ZNF219: variants seen among roughly 807,000 people sequenced by gnomAD.
The protein encoded by ZNF219 is zinc finger protein 219.
In ZNF219, 17 loss-of-function variants were observed where a neutral mutation model predicts 54.4. That is an observed-to-expected ratio of 0.31 (90% confidence interval 0.21 to 0.47). The LOEUF is 0.47. ZNF219 is among the 20% of genes least tolerant of loss of function. The probability of loss-of-function intolerance (pLI) is 1.00; values close to 1 mark genes in which losing one functional copy is unlikely to be tolerated. For missense variants in ZNF219, 1,014 were observed against 1,062.3 expected (o/e 0.95, Z 0.63); for synonymous variants, 518 against 476.4 (o/e 1.09, Z -1.14).
upstream of ZNF219, chr14:21,102,421 T>C (rs759131097): frequency 1.9e-6 from 3 of 1,551,696 alleles, no homozygotes; most frequent in South Asian, 3.6e-5. Flanking sequence ...GCCATGATGA[T>C]ATTCAACACC....
In ZNF219 at chr14:21,090,958, G is replaced by GCGGAGACGGCTTGGCAAT. The variant is rs1888810368; in HGVS notation, c.1746_1747insATTGCCAAGCCGTCTCCG (p.Pro582_Gln583insIleAlaLysProSerPro). On this transcript the variant is annotated inframe_insertion, in exon 5 of 5. Coordinates refer to ENST00000360947, the MANE Select transcript of ZNF219 (RefSeq NM_016423.3). The surrounding 1 kb of genome is among the most constrained non-coding windows in gnomAD (Gnocchi z 4.4). ...GCGCCCTCCACCCAGGTCGCAGGCT[G>GCGGAGACGGCTTGGCAAT]CGGAGACGGCTTGGCTCCAGATTGC... 3 of 1,550,948 alleles carry GCGGAGACGGCTTGGCAAT rather than the reference G, an allele frequency of 1.9e-6. No homozygotes were observed. The South Asian group carries it at 3.5e-5, about 18-fold the overall frequency.
intron 1 of ZNF219, among the ~76,000 whole-genome samples, chr14:21,094,846 T>G (rs1889206325): frequency 1.3e-5 from 2 of 150,512 alleles, no homozygotes; most frequent in South Asian, 4.2e-4. Flanking sequence ...AGTCATCTAG[T>G]CTACCTTTCT....
At chr14:21,101,827 T>A, upstream of ZNF219, 1 of 1,498,586 alleles carries the variant, frequency 6.7e-7, no homozygotes, top group Middle Eastern at 1.8e-4. Flanking sequence ...AGGGAATCCC[T>A]GACAGTTCCT....
chr14:21,101,710 T>A (rs970421621), upstream of ZNF219: 6 of 672,654 alleles, frequency 8.9e-6, no homozygotes, highest in Admixed American at 5.9e-5. Context: ...AATTAAATGA[T>A]ACTTAATTTT....
In ZNF219 at chr14:21,092,303, G is replaced by A; in HGVS notation, c.994C>T (p.Arg332Cys). 2 of 1,535,952 alleles carry A rather than the reference G, an allele frequency of 1.3e-6. No individual in the cohort carries two copies. Among genetic ancestry groups the A allele is most frequent in the Middle Eastern group, 2.0e-4 (1 of 5,122 alleles). Reference sequence around the variant, plus strand: ...GGCCCGGAGGCAGGCCCCGGGGCACGCAGTGGGCCCAGCTTGCTGGCGTGC... The same window carrying A: ...GGCCCGGAGGCAGGCCCCGGGGCACACAGTGGGCCCAGCTTGCTGGCGTGC... ...KVHASKLGPLRAPGPASGPAR... is the reference protein window; with the variant it reads ...KVHASKLGPLCAPGPASGPAR... The change falls in exon 3 of 5, where the codon CGT becomes TGT. Residue 332 changes from arginine (R) to cysteine (C), a missense_variant. Physicochemically the swap from Arg to Cys is radical, Grantham distance 180. Transcript: ENST00000360947.
Position 21,092,483 on chromosome 14 carries a change from G to T in ZNF219, c.814C>A (p.Pro272Thr). 1 of 1,553,498 alleles carries T rather than the reference G, an allele frequency of 6.4e-7. No individual in the cohort carries two copies. The highest frequency in any genetic ancestry group is 1.2e-5 in the South Asian group (1 of 84,318). ...PAAPEEPPAP[P>T]EFRCQVCGQS... ...CCGCACACTTGGCAGCGGAACTCCG[G>T]AGGCGCTGGGGGCTCCTCGGGAGCG... is the stretch of plus-strand genomic sequence containing the variant. Residue 272 changes from proline (P) to threonine (T), a missense_variant, in exon 3 of 5, where the codon CCG becomes ACG. Physicochemically the swap from Pro to Thr is conservative, Grantham distance 38. Coordinates refer to ENST00000360947, the MANE Select transcript of ZNF219 (RefSeq NM_016423.3).
At chr14:21,103,087 G>A, upstream of ZNF219, 1 of 1,551,188 alleles carries the variant, frequency 6.4e-7, no homozygotes, top group Non-Finnish European at 8.7e-7. Context: ...TCTGTCTGGG[G>A]TTTCTCCTTT....
chr14:21,090,994 C>T lies in ZNF219; in HGVS notation c.1711G>A (p.Gly571Ser). 2 of 1,550,472 alleles carry T rather than the reference C, an allele frequency of 1.3e-6. No homozygotes were observed. Among genetic ancestry groups the T allele is most frequent in the Non-Finnish European group, 8.7e-7 (1 of 1,154,820 alleles). The change falls in exon 5 of 5, where the codon GGT (glycine) becomes AGT (serine). Residue 571 changes from glycine to serine, a missense_variant. Around this residue, in one of 5 missense-constraint regions of ZNF219, gnomAD observed 281 missense variants for 271.2 expected, o/e 1.04. Transcript: ENST00000360947. The surrounding 1 kb of genome is among the most constrained non-coding windows in gnomAD (Gnocchi z 4.4). ...TTGGCTCCAGATTGCGGGGCCGAAC[C>T]CCGCTGGGAAGGAGGCGGTGGCTCC... ...PPEPPPPSQR[G>S]SAPQSGAKPS...
chr14:21,091,965 C>A lies in ZNF219; in HGVS notation c.1332G>T (p.Arg444Ser). 1 of 1,582,248 alleles carries A rather than the reference C, an allele frequency of 6.3e-7. No homozygotes were observed. The highest frequency in any genetic ancestry group is 8.6e-7 in the Non-Finnish European group (1 of 1,164,846). The change falls in exon 3 of 5, where the codon AGG becomes AGT. Residue 444 changes from arginine (R) to serine (S), a missense_variant. Physicochemically the swap from Arg to Ser is moderately radical, Grantham distance 110 (BLOSUM62 -1). Around this residue, in one of 5 missense-constraint regions of ZNF219, gnomAD observed 272 missense variants for 248.9 expected, o/e 1.09. Transcript: ENST00000360947. ...GCAGGGAAGCCAGAGAGCCCAGCGA[C>A]CTGCCCCGGGCCCAGGTTTCCTCCT... ...EAEEETWARG[R>S]SLGSLASLHP...
chr14:21,096,633 C>G lies in ZNF219; in HGVS notation c.-84+1679G>C, dbSNP rs184585564. 1.6e-3 allele frequency among the ~76,000 whole-genome samples: 248 copies of G among 152,330 alleles called. 1 individual carries two copies. The highest frequency in any genetic ancestry group is 5.6e-3 in the African/African-American group (232 of 41,568). On this transcript the variant is annotated intron_variant, in intron 1 of 4. Coordinates refer to ENST00000360947, the MANE Select transcript of ZNF219 (RefSeq NM_016423.3). The stretch of plus-strand genomic sequence containing the variant: ...ACCCCCACTGGGAATCAGGGGTTAT[C>G]TTGCCCTTATTTGGATTCTATAAGG...
Position 21,093,886 on chromosome 14 carries a change from C to G in ZNF219, c.-83-212G>C, listed in dbSNP as rs924176152. 7.4e-6 allele frequency: 4 copies of G among 539,272 alleles called. No individual in the cohort carries two copies. In the African/African-American group the frequency reaches 7.6e-5, roughly 10 times the overall value. 33.4% of individuals were successfully genotyped at this position (539,272 alleles called of 1,614,324 possible). A position where few individuals can be genotyped will look rare whatever the true frequency, so the allele number is the denominator to read the frequency against. The stretch of plus-strand genomic sequence containing the variant: ...CCTCCCAGATAATCCAGATTTCTTC[C>G]CCAAATTCTATATTTTAAATGCATG... On this transcript the variant is annotated intron_variant, in intron 1 of 4. Coordinates refer to ENST00000360947, the MANE Select transcript of ZNF219 (RefSeq NM_016423.3).
rs1434398512 is a variant in ZNF219 at position 21,093,246 on chromosome 14, C to T, written c.51G>A (p.Pro17=). ...RAPSGHLAPS[P]PAFDGELDLQ... is the part of the protein sequence containing the mutation. ...GATCCAGCTCGCCGTCGAAAGCCGGCGGCGACGGCGCTAAGTGGCCGCTCG... is the reference window on the plus strand; with the variant it reads ...GATCCAGCTCGCCGTCGAAAGCCGGTGGCGACGGCGCTAAGTGGCCGCTCG... Residue 17 remains proline (P), a synonymous_variant, in exon 3 of 5, where the codon CCG becomes CCA. Coordinates refer to ENST00000360947, the MANE Select transcript of ZNF219 (RefSeq NM_016423.3). The T allele has an allele frequency of 2.3e-5, 36 of 1,598,444 alleles. No homozygotes were observed. Among genetic ancestry groups the T allele is most frequent in the Non-Finnish European group, 3.1e-5 (36 of 1,178,338 alleles).
chr14:21,097,265 T>G (rs915559566), intron 1 of ZNF219: 8 of 152,236 alleles, frequency 5.3e-5, no homozygotes, highest in African/African-American at 1.9e-4. Flanking sequence ...GTTAGGGACA[T>G]GGAACCTCAG....
Position 21,093,671 on chromosome 14 carries a change from G to A in ZNF219, c.-80C>T. The A allele has an allele frequency of 6.2e-7, 1 of 1,613,968 alleles. No homozygotes were observed. Among genetic ancestry groups the A allele is most frequent in the Non-Finnish European group, 8.5e-7 (1 of 1,179,938 alleles). On this transcript the variant is annotated 5_prime_UTR_variant, in exon 2 of 5. Transcript: ENST00000360947. ...TGCTAATGAAGGCAACAGGTGCTGT[G>A]GAGCTAAAGCAAGAGACAGATTTGG...
rs1566545040 is a variant in ZNF219 at position 21,090,497 on chromosome 14, CGG to C, written c.*37_*38del. The C allele has an allele frequency of 6.5e-7, 1 of 1,544,588 alleles. No homozygotes were observed. Among genetic ancestry groups the C allele is most frequent in the Non-Finnish European group, 8.7e-7 (1 of 1,143,982 alleles). On this transcript the variant is annotated 3_prime_UTR_variant, in exon 5 of 5. Coordinates refer to ENST00000360947, the MANE Select transcript of ZNF219 (RefSeq NM_016423.3). This position sits in a 1 kb window ranked among gnomAD's most constrained non-coding sequence, Gnocchi z 4.4. ...TACCTCTAGCGCTCCCCCGCTCCGG[CGG>C]GGTAAGCTCACTAAGCTAATCGCCC...
In ZNF219 at chr14:21,091,034, G is replaced by A. The variant is rs1391225871; in HGVS notation, c.1671C>T (p.Gly557=). ...GCGGTGGCTCCGGGGGTGGCCCGGG[G>A]CCGGCCCCGCTCCTCTGCTCCCGGT... ...RHHREQRSGA[G]PGPPPEPPPP... is the part of the protein sequence containing the mutation. The change falls in exon 5 of 5, where the codon GGC becomes GGT. Residue 557 remains glycine, a synonymous_variant. Transcript: ENST00000360947. The A allele has an allele frequency of 1.9e-6, 3 of 1,553,338 alleles. No homozygotes were observed. Among genetic ancestry groups the A allele is most frequent in the African/African-American group, 1.4e-5 (1 of 73,608 alleles).
At chr14:21,098,860 T>G (rs1385782385), upstream of ZNF219, 2 of 1,285,974 alleles carry the variant, frequency 1.6e-6, no homozygotes, top group Admixed American at 4.6e-5. Context: ...ATGCACAGAC[T>G]CGGGAAGTTC....
intron 1 of ZNF219, 159 bp from the exon 2 acceptor site, chr14:21,093,833 G>A: frequency 1.6e-6 from 1 of 643,788 alleles, no homozygotes; most frequent in Non-Finnish European, 2.7e-6. Context: ...CTCAAAAACT[G>A]TACCTCTTGA....
In ZNF219 at chr14:21,091,870, G is replaced by T; in HGVS notation, c.1427C>A (p.Thr476Lys). 6.5e-7 allele frequency: 1 copy of T among 1,548,316 alleles called. No homozygotes were observed. The highest frequency in any genetic ancestry group is 8.7e-7 in the Non-Finnish European group (1 of 1,153,388). ...AAGAQARSTA[T>K]QEENGLLVGG... ...AGCGGAGGGTACCTACATACCCTGC[G>T]TGGCGGTCGATCTTGCCTGGGCCCC... is the stretch of plus-strand genomic sequence containing the variant. The change falls in exon 3 of 5, where the codon ACG (threonine) becomes AAG (lysine). Residue 476 changes from threonine (T) to lysine (K), a missense_variant. This residue lies in a region of ZNF219 where 272 missense variants were observed against 248.9 expected (regional missense o/e 1.09). Transcript: ENST00000360947.
Sources: gnomAD v4.1 joint callset for allele counts (sites outside exome capture counted in the v4.1 genomes callset) on GRCh38, gnomAD v4.1.1 for gene constraint, gnomAD v4.1.1 regional missense constraint, Gnocchi (gnomAD v3.1) non-coding constraint, MANE v1.5 for transcripts, NCBI Gene and HGNC (gene_info 2026-07-23, HGNC 2026-07-21) for gene names.